The following TGFBR3 variants were observed in gnomAD, a reference collection of about 807,000 sequenced individuals.
The protein encoded by TGFBR3 is transforming growth factor beta receptor type 3.
TGFBR3 carries 46 observed loss-of-function variants against 87.9 expected under a neutral mutation model. The ratio of observed to expected loss-of-function variants is 0.52; its 90% CI spans 0.41 to 0.67. The LOEUF is 0.67. TGFBR3 is among the 30% of genes least tolerant of loss of function. The probability of loss-of-function intolerance (pLI) is 0.00; values close to 1 mark genes in which losing one functional copy is unlikely to be tolerated. For missense variants in TGFBR3, 866 were observed against 1,041.9 expected (o/e 0.83, Z 2.32); for synonymous variants, 381 against 391.6 (o/e 0.97, Z 0.32).
At chr1:91,704,563 G>A (rs1343450254) in intron 14 of TGFBR3, among the ~76,000 whole-genome samples, 1 of 152,166 alleles carries the variant, frequency 6.6e-6, no homozygotes, top group Non-Finnish European at 1.5e-5. Context: ...TCACTATACA[G>A]AGGTGCTATG....
chr1:91,903,812 C>T (rs1371030473), intron 1 of TGFBR3, among the ~76,000 whole-genome samples: 1 of 152,114 alleles, frequency 6.6e-6, no homozygotes, highest in African/African-American at 2.4e-5. Context: ...TGAATGAATT[C>T]TTATGAACTG....
intron 2 of TGFBR3, among the ~76,000 whole-genome samples, chr1:91,825,703 A>T (rs1676608916): frequency 6.6e-6 from 1 of 152,248 alleles, no homozygotes; most frequent in Non-Finnish European, 1.5e-5. Flanking sequence ...ACTTGTGGTT[A>T]GGTTCAGTGG....
At chr1:91,803,019 A>G (rs1675695344) in intron 2 of TGFBR3, among the ~76,000 whole-genome samples, 1 of 152,160 alleles carries the variant, frequency 6.6e-6, no homozygotes, top group Admixed American at 6.5e-5. Flanking sequence ...TCTTCTATAG[A>G]GCAGCCAAAC....
rs1557653381 is a variant in TGFBR3 at position 91,682,665 on chromosome 1, T to G, written c.*1074A>C. The G allele has an allele frequency of 2.2e-6, 1 of 454,050 alleles. No homozygotes were observed. Among genetic ancestry groups the G allele is most frequent in the Non-Finnish European group, 4.4e-6 (1 of 226,772 alleles). The allele number at this position is 454,050 out of a possible 1,614,324, so 28.1% of individuals were successfully genotyped here. Reference sequence around the variant, plus strand: ...CAGGATTTGCCATGCATTTGCATCTTGCTACAGTTTGGTTTTTATGAAAGG... The same window carrying G: ...CAGGATTTGCCATGCATTTGCATCTGGCTACAGTTTGGTTTTTATGAAAGG... On this transcript the variant is annotated 3_prime_UTR_variant, in exon 17 of 17. Transcript: ENST00000212355.
chr1:91,695,717 C>T lies in TGFBR3; in HGVS notation c.2392G>A (p.Gly798Arg), dbSNP rs1671412852. The change falls in exon 16 of 17, where the codon GGA becomes AGA. Residue 798 changes from glycine to arginine, a missense_variant. Physicochemically the swap from Gly to Arg is moderately radical, Grantham distance 125 (BLOSUM62 -2). Transcript: ENST00000212355. ...CACAAGGCCCCCGTCAGGAGTGCTC[C>T]GATCACAAAGGCTGCAAACGCAATG... is the stretch of plus-strand genomic sequence containing the variant. ...MGIAFAAFVI[G>R]ALLTGALWYI... 6.2e-7 allele frequency: 1 copy of T among 1,614,140 alleles called. No individual in the cohort carries two copies. The highest frequency in any genetic ancestry group is 8.5e-7 in the Non-Finnish European group (1 of 1,180,014).
intron 12 of TGFBR3, among the ~76,000 whole-genome samples, chr1:91,713,942 T>C (rs1453113166): frequency 1.3e-5 from 2 of 151,896 alleles, no homozygotes; most frequent in Non-Finnish European, 2.9e-5. Flanking sequence ...AGCGGCAGAA[T>C]GTCTAAGGTA....
intron 14 of TGFBR3, among the ~76,000 whole-genome samples, chr1:91,708,365 C>T (rs1323803958): frequency 2.0e-5 from 3 of 152,002 alleles, no homozygotes; most frequent in African/African-American, 4.8e-5. Context: ...CCCTTTTTTG[C>T]ATACTCAAGG....
chr1:91,843,236 T>A (rs1409119344), intron 2 of TGFBR3, among the ~76,000 whole-genome samples: 1 of 152,184 alleles, frequency 6.6e-6, no homozygotes, highest in Non-Finnish European at 1.5e-5. Context: ...TGGGGCACGC[T>A]AACAGGTGGA....
intron 3 of TGFBR3, among the ~76,000 whole-genome samples, chr1:91,762,572 C>T (rs1674010957): frequency 6.6e-6 from 1 of 152,162 alleles, no homozygotes; most frequent in Non-Finnish European, 1.5e-5. Flanking sequence ...GTCCATGAAG[C>T]CTAATCCAAG....
intron 3 of TGFBR3, among the ~76,000 whole-genome samples, chr1:91,764,941 G>A (rs11807110): frequency 0.017 from 2,578 of 152,222 alleles, 73 homozygotes; most frequent in African/African-American, 0.058. Context: ...ATAATGAACT[G>A]CTTAGATCAA....
At chr1:91,723,604 A>G (rs1056588978) in intron 7 of TGFBR3, among the ~76,000 whole-genome samples, 1 of 152,164 alleles carries the variant, frequency 6.6e-6, no homozygotes, top group African/African-American at 2.4e-5. Context: ...AGGTTATTCA[A>G]CAAGGACATG....
chr1:91,861,486 A>C lies in TGFBR3; in HGVS notation c.46T>G (p.Cys16Gly). The C allele has an allele frequency of 6.2e-7, 1 of 1,613,272 alleles. No individual in the cohort carries two copies. Among genetic ancestry groups the C allele is most frequent in the South Asian group, 1.1e-5 (1 of 91,060 alleles). ...TGCAACTTACCTGCAGTGGCTAAAC[A>C]GGAGCTCATCAGGGCAAAGATGGCA... is the stretch of plus-strand genomic sequence containing the variant. Reference protein sequence around the residue: ...VIAIFALMSSCLATAGPEPGA... With the variant: ...VIAIFALMSSGLATAGPEPGA... Residue 16 changes from cysteine (C) to glycine (G), a missense_variant, in exon 2 of 17, where the codon TGT becomes GGT. By Grantham distance (159) the Cys-to-Gly change is radical. Transcript: ENST00000212355.
intron 3 of TGFBR3, among the ~76,000 whole-genome samples, chr1:91,773,650 C>G (rs561524423): frequency 6.6e-6 from 1 of 152,326 alleles, no homozygotes; most frequent in Admixed American, 6.5e-5. Flanking sequence ...CCACTGCACT[C>G]CAGTCTGGGC....
intron 3 of TGFBR3, among the ~76,000 whole-genome samples, chr1:91,796,643 A>T (rs556218207): frequency 5.9e-5 from 9 of 152,348 alleles, no homozygotes; most frequent in Admixed American, 5.2e-4. Flanking sequence ...CACAGGAGGA[A>T]ATGGGAAAGA....
chr1:91,885,159 G>A (rs1022873413), intron 1 of TGFBR3, among the ~76,000 whole-genome samples: 2 of 152,208 alleles, frequency 1.3e-5, no homozygotes, highest in Admixed American at 6.5e-5. Flanking sequence ...TTTTCGTGAG[G>A]ACACCAAATC....
chr1:91,890,871 C>T (rs1679428394), upstream of TGFBR3, among the ~76,000 whole-genome samples: 1 of 151,782 alleles, frequency 6.6e-6, no homozygotes, highest in African/African-American at 2.4e-5. Flanking sequence ...TGAAAGACAC[C>T]TTCTACTCAT....
chr1:91,749,183 A>G (rs1261316775), intron 4 of TGFBR3, among the ~76,000 whole-genome samples: 1 of 152,190 alleles, frequency 6.6e-6, no homozygotes, highest in Non-Finnish European at 1.5e-5. Flanking sequence ...TCACTCTGCC[A>G]TCTGTATCAC....
intron 2 of TGFBR3, among the ~76,000 whole-genome samples, chr1:91,851,666 A>T (rs1677742052): frequency 6.6e-6 from 1 of 152,262 alleles, no homozygotes; most frequent in Non-Finnish European, 1.5e-5. Context: ...TAGCAATTAA[A>T]GAGCTGTGTA....
At chr1:91,737,927 G>T (rs151081628) in intron 4 of TGFBR3, among the ~76,000 whole-genome samples, 1 of 152,290 alleles carries the variant, frequency 6.6e-6, no homozygotes, top group African/African-American at 2.4e-5. Flanking sequence ...ATTATTCTGG[G>T]TATTTTGGTG....
Sources: gnomAD v4.1 joint callset for allele counts (sites outside exome capture counted in the v4.1 genomes callset) on GRCh38, gnomAD v4.1.1 for gene constraint, MANE v1.5 for transcripts, NCBI Gene and HGNC (gene_info 2026-07-23, HGNC 2026-07-21) for gene names.